Variants in CEP170 observed in about 807,000 individuals in gnomAD.
CEP170 encodes the protein centrosomal protein of 170 kDa.
CEP170 carries 21 observed loss-of-function variants against 151.9 expected under a neutral mutation model. That is an observed-to-expected ratio of 0.14 (90% CI 0.10 to 0.20). CEP170 has a LOEUF of 0.20. CEP170 is among the 10% of genes least tolerant of loss of function. The probability of loss-of-function intolerance (pLI) is 1.00; values close to 1 mark genes in which losing one functional copy is unlikely to be tolerated. For synonymous variants in CEP170, 356 were observed against 648.8 expected (o/e 0.55, Z 6.86); for missense variants, 964 against 1,892.9 (o/e 0.51, Z 9.11).
intron 14 of CEP170, among the ~76,000 whole-genome samples, chr1:243,146,083 C>T (rs983801051): frequency 6.6e-6 from 1 of 152,168 alleles, no homozygotes; most frequent in Non-Finnish European, 1.5e-5. Context: ...AATGGAAAAT[C>T]AAACACCACA....
intron 1 of CEP170, among the ~76,000 whole-genome samples, chr1:243,244,420 A>T (rs909050257): frequency 6.6e-6 from 1 of 152,170 alleles, no homozygotes; most frequent in Non-Finnish European, 1.5e-5. Flanking sequence ...TAGTGAAAAG[A>T]GGAAACTAAA....
chr1:243,166,603 A>G (rs2058461356), intron 12 of CEP170: 1 of 150,348 alleles, frequency 6.7e-6, no homozygotes. Context: ...ATACAAAACA[A>G]ACGAGCCAGC....
In CEP170 at chr1:243,126,249, G is replaced by C. The variant is rs1360697031; in HGVS notation, c.*200C>G. 1.4e-6 allele frequency: 1 copy of C among 691,206 alleles called. No homozygotes were observed. Among genetic ancestry groups the C allele is most frequent in the African/African-American group, 1.8e-5 (1 of 56,706 alleles). 42.8% of individuals were successfully genotyped at this position (691,206 alleles called of 1,614,324 possible). ...CCACAATCTGCTTTTTCCTATTTGT[G>C]CATCAAGTGGTTATCTAAATAGTTT... On this transcript the variant is annotated 3_prime_UTR_variant, in exon 20 of 20. Coordinates refer to ENST00000366542, the MANE Select transcript of CEP170 (RefSeq NM_014812.3).
intron 1 of CEP170, among the ~76,000 whole-genome samples, chr1:243,240,714 CAG>C (rs2064750156): frequency 1.3e-5 from 2 of 150,908 alleles, no homozygotes; most frequent in South Asian, 4.2e-4. Context: ...ATTTTTGAGA[CAG>C]AGTTTTTGCT....
chr1:243,136,594 T>G (rs2055110008), intron 16 of CEP170, among the ~76,000 whole-genome samples: 1 of 152,272 alleles, frequency 6.6e-6, no homozygotes, highest in Non-Finnish European at 1.5e-5. Flanking sequence ...GAGTACTAAA[T>G]TTATTATTTA....
intron 10 of CEP170, chr1:243,175,309 CATT>C (rs2059153631): frequency 6.6e-6 from 1 of 152,204 alleles, no homozygotes; most frequent in Non-Finnish European, 1.5e-5. Context: ...GCTATACATA[CATT>C]ATTAAGTAAC....
At position 243,140,345 on chromosome 1, in the gene CEP170, T is replaced by C. The variant is rs186129182; in HGVS notation, c.4060-238A>G. 121 of 464,908 alleles carry C rather than the reference T, an allele frequency of 2.6e-4. No individual in the cohort carries two copies. In the East Asian group the frequency reaches 5.2e-3, roughly 20 times the overall value. 28.8% of individuals were successfully genotyped at this position (464,908 alleles called of 1,614,324 possible). ...TTTCAAAATCCAAAATATATAACTA[T>C]GTTAAATTTAATTCTTCCATGGATA... is the stretch of plus-strand genomic sequence containing the variant. On this transcript the variant is annotated intron_variant, in intron 15 of 19. Transcript: ENST00000366542.
At chr1:243,215,382 G>A (rs1029424896) in intron 3 of CEP170, among the ~76,000 whole-genome samples, 5 of 152,178 alleles carry the variant, frequency 3.3e-5, no homozygotes, top group African/African-American at 7.2e-5. Context: ...TTTCAAAAGC[G>A]AATAGGAGAA....
intron 16 of CEP170, among the ~76,000 whole-genome samples, chr1:243,137,434 C>G (rs2055225185): frequency 6.6e-6 from 1 of 152,122 alleles, no homozygotes; most frequent in Non-Finnish European, 1.5e-5. Context: ...AAGCCTAAGG[C>G]CTACAAAACA....
chr1:243,241,527 C>T (rs988809423), intron 1 of CEP170, among the ~76,000 whole-genome samples: 1 of 152,212 alleles, frequency 6.6e-6, no homozygotes, highest in African/African-American at 2.4e-5. Flanking sequence ...TGGTGGCTCG[C>T]GTCTGTAATC....
chr1:243,185,678 A>G lies in CEP170; in HGVS notation c.1566+101T>C. ...AACAAAACCCTAAAATTCACATACC[A>G]CTGACTGCATGACAACATCTCATGC... On this transcript the variant is annotated intron_variant, in intron 10 of 19. Transcript: ENST00000366542. The surrounding 1 kb of genome is among the most constrained non-coding windows in gnomAD (Gnocchi z 4.9). 7.0e-7 allele frequency: 1 copy of G among 1,435,212 alleles called. No individual in the cohort carries two copies. The highest frequency in any genetic ancestry group is 1.4e-5 in the South Asian group (1 of 71,882). The allele number at this position is 1,435,212 out of a possible 1,614,324, so 88.9% of individuals were successfully genotyped here.
At chr1:243,242,511 C>A (rs535811894) in intron 1 of CEP170, among the ~76,000 whole-genome samples, 1 of 152,248 alleles carries the variant, frequency 6.6e-6, no homozygotes, top group Non-Finnish European at 1.5e-5. Context: ...AGCCACCACG[C>A]CCGGCCAATG....
chr1:243,142,926 T>C (rs1028824699), intron 14 of CEP170, among the ~76,000 whole-genome samples: 27 of 152,226 alleles, frequency 1.8e-4, no homozygotes, highest in African/African-American at 6.3e-4. Context: ...CTGGTGATTT[T>C]TGTCATCAAT....
At chr1:243,135,805 T>C (rs550880248) in intron 17 of CEP170, 3 of 158,080 alleles carry the variant, frequency 1.9e-5, no homozygotes, top group African/African-American at 7.2e-5. Flanking sequence ...ATTATTTCAA[T>C]ATATAAGCAA....
At chr1:243,141,675 T>C (rs1245025985) in intron 15 of CEP170, among the ~76,000 whole-genome samples, 1 of 152,224 alleles carries the variant, frequency 6.6e-6, no homozygotes, top group Admixed American at 6.5e-5. Context: ...TCTGGAGCAA[T>C]GTTATGCAAA....
intron 14 of CEP170, among the ~76,000 whole-genome samples, chr1:243,151,587 A>T (rs2057078661): frequency 1.3e-5 from 2 of 152,282 alleles, no homozygotes; most frequent in African/African-American, 4.8e-5. Context: ...AGAGGTGAGG[A>T]AACTGCAGAA....
intron 14 of CEP170, among the ~76,000 whole-genome samples, chr1:243,152,437 C>T (rs1428080933): frequency 2.0e-5 from 3 of 149,696 alleles, no homozygotes; most frequent in Non-Finnish European, 3.0e-5. Context: ...TAGCCAAGAT[C>T]GTCTCAATCT....
chr1:243,126,957 T>C (rs1766013), intron 19 of CEP170, among the ~76,000 whole-genome samples: 5,884 of 152,284 alleles, frequency 0.039, 392 homozygotes, highest in African/African-American at 0.13. Flanking sequence ...ATGTGGCACT[T>C]ACGGGCATTT....
Position 243,218,202 on chromosome 1 carries a change from T to C in CEP170, c.195+3522A>G, listed in dbSNP as rs529403201. 1.3e-4 allele frequency among the ~76,000 whole-genome samples: 20 copies of C among 152,342 alleles called. No individual in the cohort carries two copies. In the South Asian group the frequency reaches 3.9e-3, roughly 30 times the overall value. On this transcript the variant is annotated intron_variant, in intron 3 of 19. Transcript: ENST00000366542. ...TCAACCTTTAGTGAAGACCATTCTCTACTCTATACCACACAGGTCTGATGC... is the reference window on the plus strand; with the variant it reads ...TCAACCTTTAGTGAAGACCATTCTCCACTCTATACCACACAGGTCTGATGC...
Sources: allele counts gnomAD v4.1 joint callset (sites outside exome capture counted in the v4.1 genomes callset), GRCh38; gene constraint gnomAD v4.1.1; non-coding constraint Gnocchi (gnomAD v3.1); transcripts MANE v1.5; gene names NCBI Gene and HGNC (gene_info 2026-07-23, HGNC 2026-07-21).